COL15A1: variants seen among roughly 807,000 people sequenced by gnomAD.
COL15A1 encodes collagen type XV alpha 1 chain.
In COL15A1, 111 loss-of-function variants were observed where a neutral mutation model predicts 165.9. The ratio of observed to expected loss-of-function variants is 0.67; its 90% confidence interval spans 0.57 to 0.78. The LOEUF (loss-of-function observed/expected upper bound fraction) is 0.78, where lower values mean the gene tolerates loss of function less well. Ranked by LOEUF, COL15A1 falls within the 30% of genes least tolerant of loss-of-function variation. The pLI, the probability that COL15A1 is intolerant of heterozygous loss-of-function variation, is 0.00. For missense variants in COL15A1, 1,745 were observed against 1,789.7 expected, an observed-to-expected ratio of 0.98 and a Z score of 0.45; for synonymous variants, 659 against 674.8, an observed-to-expected ratio of 0.98 and a Z score of 0.36.
chr9:98,961,966 C>T (rs1393295677), intron 2 of COL15A1, among the ~76,000 whole-genome samples: 3 of 152,224 alleles, frequency 2.0e-5, no homozygotes, highest in African/African-American at 7.2e-5. Context: ...CCTCCCAGGC[C>T]ACGACAGCTG....
intron 2 of COL15A1, among the ~76,000 whole-genome samples, chr9:98,955,341 C>T (rs1236623111): frequency 6.6e-6 from 1 of 152,230 alleles, no homozygotes; most frequent in African/African-American, 2.4e-5. Flanking sequence ...CAGTTCAATG[C>T]CTCCTTACTT....
chr9:98,995,219 C>T (rs1022591732), intron 5 of COL15A1, among the ~76,000 whole-genome samples: 15 of 152,098 alleles, frequency 9.9e-5, no homozygotes, highest in African/African-American at 3.6e-4. Context: ...GCTAGATGAA[C>T]ATCCATCTGG....
intron 12 of COL15A1, 132 bp from the exon 13 acceptor site, chr9:99,021,959 T>G (rs550696300): frequency 8.1e-7 from 1 of 1,237,468 alleles, no homozygotes; most frequent in African/African-American, 1.5e-5. Flanking sequence ...TTAAGCTGTC[T>G]CTGCAAAGGA....
intron 19 of COL15A1, among the ~76,000 whole-genome samples, chr9:99,035,730 C>T (rs1404041742): frequency 6.6e-6 from 1 of 152,112 alleles, no homozygotes; most frequent in Admixed American, 6.5e-5. Context: ...TTATTTCCTC[C>T]CTCCAGTTGC....
intron 9 of COL15A1, among the ~76,000 whole-genome samples, chr9:99,015,182 G>A (rs1838908207): frequency 6.6e-6 from 1 of 152,002 alleles, no homozygotes; most frequent in Admixed American, 6.6e-5. Context: ...GGCCAGAGAA[G>A]TGCTTAGCAG....
rs1363404502 is a variant in COL15A1, at chr9:98,996,923, C to A, written c.805-11C>A. On this transcript the variant is annotated splice_polypyrimidine_tract_variant and intron_variant, in intron 5 of 41. Transcript: ENST00000375001. ...GTAAATCATTTTGCATCTCATTTTTCCTCCCTTCAGCCCAAAGAAGCAAAA... is the reference window on the plus strand; with the variant it reads ...GTAAATCATTTTGCATCTCATTTTTACTCCCTTCAGCCCAAAGAAGCAAAA... The A allele has an allele frequency of 6.2e-7, 1 of 1,609,226 alleles. No homozygotes were observed. The highest frequency in any genetic ancestry group is 8.5e-7 in the Non-Finnish European group (1 of 1,176,994).
At chr9:99,024,286 T>G (rs58241042) in intron 14 of COL15A1, among the ~76,000 whole-genome samples, 16,135 of 133,014 alleles carry the variant, frequency 0.12, 1,545 homozygotes, top group East Asian at 0.34. Context: ...TGTTTTTTTG[T>G]TTTTTTTTTT....
intron 15 of COL15A1, among the ~76,000 whole-genome samples, chr9:99,025,256 T>C (rs1839104420): frequency 6.6e-6 from 1 of 152,224 alleles, no homozygotes; most frequent in Non-Finnish European, 1.5e-5. Flanking sequence ...TACTTACGAA[T>C]GGTTCAGCTT....
At chr9:99,042,142 C>A in intron 24 of COL15A1, 35 bp downstream of exon 24, 2 of 1,494,662 alleles carry the variant, frequency 1.3e-6, no homozygotes, top group Non-Finnish European at 1.8e-6. Context: ...TGAGATTGGG[C>A]GCTGGAATTT....
chr9:98,989,651 T>A (rs1838382062), intron 5 of COL15A1, among the ~76,000 whole-genome samples: 1 of 152,184 alleles, frequency 6.6e-6, no homozygotes. Flanking sequence ...GGTTAGATGA[T>A]GAAGTGCAGG....
chr9:98,977,531 C>T (rs765029662), intron 2 of COL15A1, among the ~76,000 whole-genome samples: 19 of 152,368 alleles, frequency 1.2e-4, no homozygotes, highest in Non-Finnish European at 2.4e-4. Flanking sequence ...TCCCCTACCA[C>T]GCCATGCCAT....
intron 2 of COL15A1, among the ~76,000 whole-genome samples, chr9:98,965,563 A>C (rs1199924426): frequency 6.6e-6 from 1 of 151,672 alleles, no homozygotes; most frequent in Non-Finnish European, 1.5e-5. Flanking sequence ...TTTTTGCTCC[A>C]ATGCTGGAGG....
chr9:98,954,740 A>G (rs1053528347), intron 2 of COL15A1, among the ~76,000 whole-genome samples: 3 of 152,208 alleles, frequency 2.0e-5, no homozygotes, highest in Non-Finnish European at 2.9e-5. Flanking sequence ...TCAGACAGGC[A>G]ATAATAATTT....
intron 41 of COL15A1, among the ~76,000 whole-genome samples, chr9:99,069,323 G>C (rs952753200): frequency 1.3e-5 from 2 of 152,204 alleles, no homozygotes; most frequent in Non-Finnish European, 2.9e-5. Flanking sequence ...ACTTAGGGGT[G>C]AGAATCAGAG....
intron 16 of COL15A1, among the ~76,000 whole-genome samples, chr9:99,032,924 G>A (rs190262514): frequency 6.6e-6 from 1 of 152,218 alleles, no homozygotes; most frequent in Admixed American, 6.5e-5. Flanking sequence ...TTGTCTTTGT[G>A]TCATGGCTAT....
intron 2 of COL15A1, among the ~76,000 whole-genome samples, chr9:98,951,519 A>G (rs1158142900): frequency 1.3e-5 from 2 of 152,214 alleles, no homozygotes; most frequent in African/African-American, 2.4e-5. Flanking sequence ...TGAATGGGAC[A>G]TGCAACGTCC....
At chr9:99,022,058 C>T (rs1839036922) in intron 12 of COL15A1, 33 bp from the exon 13 acceptor site, 1 of 1,613,178 alleles carries the variant, frequency 6.2e-7, no homozygotes, top group Admixed American at 1.7e-5. Context: ...GAACAGAGTT[C>T]CAGCCGTTCA....
chr9:98,987,649 G>T (rs1415324722), intron 4 of COL15A1, among the ~76,000 whole-genome samples: 4 of 152,204 alleles, frequency 2.6e-5, no homozygotes, highest in South Asian at 4.1e-4. Flanking sequence ...ATGGTGTCAA[G>T]ATTCTAAAAT....
At chr9:99,013,117 G>C (rs1333551002) in intron 9 of COL15A1, among the ~76,000 whole-genome samples, 1 of 152,176 alleles carries the variant, frequency 6.6e-6, no homozygotes, top group East Asian at 1.9e-4. Flanking sequence ...TCACCACTGA[G>C]CCATTTCCAC....
Sources: allele counts gnomAD v4.1 joint callset (sites outside exome capture counted in the v4.1 genomes callset), GRCh38; gene constraint gnomAD v4.1.1; transcripts MANE v1.5; gene names NCBI Gene and HGNC (gene_info 2026-07-23, HGNC 2026-07-21).